The following NECAB1 variants were observed in gnomAD, a reference collection of about 807,000 sequenced individuals.
NECAB1 encodes the protein N-terminal EF-hand calcium binding protein 1.
Under a neutral mutation model 57.5 loss-of-function variants are expected in NECAB1, and 29 were observed. The ratio of observed to expected loss-of-function variants is 0.50; its 90% CI spans 0.38 to 0.69. NECAB1 has a LOEUF of 0.69. Among genes scored for constraint, NECAB1 ranks in the 30% least tolerant of loss-of-function variants. NECAB1 has a pLI of 0.00. For missense variants in NECAB1, 372 were observed against 413.8 expected (o/e 0.90, Z 0.88); for synonymous variants, 142 against 147.7 (o/e 0.96, Z 0.28).
At chr8:90,893,954 A>G (rs1809259242) in intron 5 of NECAB1, among the ~76,000 whole-genome samples, 1 of 152,066 alleles carries the variant, frequency 6.6e-6, no homozygotes, top group South Asian at 2.1e-4. Context: ...CCTATGACAC[A>G]TCTTTAGTTC....
intron 3 of NECAB1, among the ~76,000 whole-genome samples, chr8:90,863,619 C>T (rs1808452124): frequency 6.6e-6 from 1 of 152,062 alleles, no homozygotes; most frequent in Admixed American, 6.6e-5. Context: ...CAAAACAAGC[C>T]ATTTTATATA....
chr8:90,855,932 T>C (rs1251014759), intron 3 of NECAB1, among the ~76,000 whole-genome samples: 1 of 152,166 alleles, frequency 6.6e-6, no homozygotes, highest in Non-Finnish European at 1.5e-5. Context: ...GATGGACTAC[T>C]TAATATATTT....
At chr8:90,834,539 C>A (rs1438932783) in intron 3 of NECAB1, among the ~76,000 whole-genome samples, 2 of 152,046 alleles carry the variant, frequency 1.3e-5, no homozygotes, top group Non-Finnish European at 2.9e-5. Context: ...CATTAAACAC[C>A]AAATCTGTTG....
chr8:90,873,747 G>C lies in NECAB1; in HGVS notation c.259+1594G>C, dbSNP rs79842312. ...TTCTTCTTTATTTGCTATGTTGCCT[G>C]CCTATTGTCATTAAGGAATATTGTG... is the stretch of plus-strand genomic sequence containing the variant. On this transcript the variant is annotated intron_variant, in intron 4 of 12. Coordinates refer to ENST00000417640, the MANE Select transcript of NECAB1 (RefSeq NM_022351.5). 3.4e-3 allele frequency among the ~76,000 whole-genome samples: 522 copies of C among 152,260 alleles called. 2 individuals are homozygous for C. Among genetic ancestry groups the C allele is most frequent in the Non-Finnish European group, 5.8e-3 (396 of 68,006 alleles).
intron 3 of NECAB1, among the ~76,000 whole-genome samples, chr8:90,851,862 T>G (rs980594716): frequency 2.0e-5 from 3 of 152,150 alleles, no homozygotes; most frequent in Non-Finnish European, 2.9e-5. Flanking sequence ...TATAATAACA[T>G]GTACCCATAA....
At chr8:90,920,811 G>A (rs1810089682) in intron 6 of NECAB1, among the ~76,000 whole-genome samples, 1 of 152,136 alleles carries the variant, frequency 6.6e-6, no homozygotes, top group Admixed American at 6.5e-5. Flanking sequence ...AGATGGCAGA[G>A]ACTTTGCATA....
chr8:90,920,487 G>A (rs1810081564), intron 6 of NECAB1, among the ~76,000 whole-genome samples: 2 of 152,182 alleles, frequency 1.3e-5, no homozygotes, highest in South Asian at 4.1e-4. Flanking sequence ...TTCCTATGAT[G>A]TCAATCAAGA....
chr8:90,838,880 A>T (rs1321989729), intron 3 of NECAB1, among the ~76,000 whole-genome samples: 1 of 152,210 alleles, frequency 6.6e-6, no homozygotes, highest in East Asian at 1.9e-4. Context: ...TCCCTTTCAC[A>T]GTCAGACTAC....
intron 3 of NECAB1, among the ~76,000 whole-genome samples, chr8:90,825,832 A>G (rs1193441603): frequency 6.6e-6 from 1 of 151,882 alleles, no homozygotes; most frequent in Admixed American, 6.6e-5. Context: ...GTTGACAGAA[A>G]CAGTATTCAT....
At chr8:90,832,025 CCT>C (rs1432398990) in intron 3 of NECAB1, among the ~76,000 whole-genome samples, 1 of 152,130 alleles carries the variant, frequency 6.6e-6, no homozygotes, top group Non-Finnish European at 1.5e-5. Flanking sequence ...CATTACTGGG[CCT>C]ACGATTATTG....
In NECAB1 at chr8:90,816,050, A is replaced by T. The variant is rs999622565; in HGVS notation, c.125-8667A>T. ...CTCCACTTTCTAGCCAAAAATTGGT[A>T]TTATCAGTTTTTTTCAGGTTTTGTA... On this transcript the variant is annotated intron_variant, in intron 2 of 12. Transcript: ENST00000417640. Among the ~76,000 whole-genome samples, 3 of 151,890 alleles carry T rather than the reference A, an allele frequency of 2.0e-5. No individual in the cohort carries two copies. The East Asian group carries it at 5.8e-4, about 29-fold the overall frequency.
chr8:90,868,951 A>T (rs1166467423), intron 3 of NECAB1, among the ~76,000 whole-genome samples: 1 of 152,178 alleles, frequency 6.6e-6, no homozygotes, highest in Non-Finnish European at 1.5e-5. Flanking sequence ...GGGAAAAATC[A>T]TTTCATGGAC....
intron 3 of NECAB1, among the ~76,000 whole-genome samples, chr8:90,851,587 G>A (rs1396794615): frequency 6.6e-6 from 1 of 152,006 alleles, no homozygotes; most frequent in Non-Finnish European, 1.5e-5. Context: ...AAAAAAAGGG[G>A]GCATCTTTTA....
intron 8 of NECAB1, among the ~76,000 whole-genome samples, chr8:90,932,522 G>A (rs1810435229): frequency 6.6e-6 from 1 of 152,158 alleles, no homozygotes; most frequent in Non-Finnish European, 1.5e-5. Context: ...CCAAATGAGT[G>A]GTCTGGAAGT....
intron 3 of NECAB1, among the ~76,000 whole-genome samples, chr8:90,839,999 G>C (rs555742179): frequency 4.3e-4 from 65 of 152,248 alleles, no homozygotes; most frequent in African/African-American, 1.4e-3. Flanking sequence ...ATGTTAGCTG[G>C]ATTTTGAAAG....
intron 6 of NECAB1, among the ~76,000 whole-genome samples, chr8:90,918,100 C>T (rs1023833949): frequency 6.6e-6 from 1 of 150,490 alleles, no homozygotes; most frequent in Non-Finnish European, 1.5e-5. Context: ...AACTCTGCCT[C>T]CCGGGTTCAA....
At chr8:90,911,416 A>G (rs1809827423) in intron 5 of NECAB1, among the ~76,000 whole-genome samples, 1 of 152,148 alleles carries the variant, frequency 6.6e-6, no homozygotes, top group African/African-American at 2.4e-5. Flanking sequence ...GATTGTATAT[A>G]TTATAAATTG....
chr8:90,839,206 G>C (rs1037149904), intron 3 of NECAB1, among the ~76,000 whole-genome samples: 2 of 152,070 alleles, frequency 1.3e-5, no homozygotes, highest in Admixed American at 6.6e-5. Flanking sequence ...ATCGGAAGAG[G>C]CTACCACAAA....
intron 2 of NECAB1, among the ~76,000 whole-genome samples, chr8:90,821,028 T>C (rs925016124): frequency 4.6e-5 from 7 of 151,822 alleles, no homozygotes; most frequent in African/African-American, 1.7e-4. Flanking sequence ...TCTGGACCCT[T>C]TTCTTCCTTG....
Sources: allele counts gnomAD v4.1 joint callset (sites outside exome capture counted in the v4.1 genomes callset), GRCh38; gene constraint gnomAD v4.1.1; transcripts MANE v1.5; gene names NCBI Gene and HGNC (gene_info 2026-07-23, HGNC 2026-07-21).